The following CTNNA2 variants were observed in gnomAD, a reference collection of about 807,000 sequenced individuals.
CTNNA2 encodes catenin alpha 2.
CTNNA2 carries 42 observed loss-of-function variants against 101.0 expected under a neutral mutation model. That is an observed-to-expected ratio of 0.42 (90% CI 0.32 to 0.54). The LOEUF (loss-of-function observed/expected upper bound fraction) is 0.54, where lower values mean the gene tolerates loss of function less well. Ranked by LOEUF, CTNNA2 falls within the 20% of genes least tolerant of loss-of-function variation. CTNNA2 has a pLI of 0.14. For missense variants in CTNNA2, 871 were observed against 1,223.1 expected, an observed-to-expected ratio of 0.71 and a Z score of 4.29; for synonymous variants, 450 against 456.4, an observed-to-expected ratio of 0.99 and a Z score of 0.18.
At chr2:80,288,968 A>G (rs1326923828) in intron 7 of CTNNA2, 1 of 152,162 alleles carries the variant, frequency 6.6e-6, no homozygotes, top group South Asian at 2.1e-4. Context: ...GCCGACAGAT[A>G]TGGGACCACA....
chr2:79,699,733 AT>A (rs926480326), intron 2 of CTNNA2, among the ~76,000 whole-genome samples: 6 of 149,494 alleles, frequency 4.0e-5, no homozygotes, highest in Non-Finnish European at 8.9e-5. Flanking sequence ...AAAAATTTTG[AT>A]GCTAAAAGCC....
chr2:80,542,487 C>A (rs1412347864), intron 9 of CTNNA2, among the ~76,000 whole-genome samples: 1 of 151,946 alleles, frequency 6.6e-6, no homozygotes, highest in Non-Finnish European at 1.5e-5. Context: ...AGTCAAGAAA[C>A]ACATGATCTC....
At chr2:79,858,246 C>A in intron 4 of CTNNA2, 67 bp downstream of exon 4, 2 of 1,284,328 alleles carry the variant, frequency 1.6e-6, no homozygotes, top group Non-Finnish European at 2.2e-6. Flanking sequence ...TGTATTACAG[C>A]TCTGGCCTCT....
intron 18 of CTNNA2, among the ~76,000 whole-genome samples, chr2:80,643,655 C>T (rs1673730674): frequency 6.6e-6 from 1 of 152,060 alleles, no homozygotes; most frequent in African/African-American, 2.4e-5. Context: ...TTTTTGAGGC[C>T]ATTTTAAAAC....
chr2:80,078,887 A>T (rs1355783357), intron 7 of CTNNA2, among the ~76,000 whole-genome samples: 1 of 151,898 alleles, frequency 6.6e-6, no homozygotes, highest in Non-Finnish European at 1.5e-5. Context: ...GGCTAGGGGG[A>T]TGACATGGTT....
chr2:79,204,896 T>C (rs899892209), intron 2 of CTNNA2, among the ~76,000 whole-genome samples: 2 of 152,242 alleles, frequency 1.3e-5, no homozygotes, highest in Admixed American at 6.5e-5. Flanking sequence ...CCTCATTGCC[T>C]AAATACCTTG....
chr2:79,546,313 A>G (rs1673727230), intron 1 of CTNNA2, among the ~76,000 whole-genome samples: 1 of 152,170 alleles, frequency 6.6e-6, no homozygotes, highest in Non-Finnish European at 1.5e-5. Flanking sequence ...TTTTAAAACC[A>G]TGTCTTAGAG....
intron 7 of CTNNA2, among the ~76,000 whole-genome samples, chr2:80,091,931 A>G (rs998471267): frequency 6.6e-6 from 1 of 152,052 alleles, no homozygotes; most frequent in African/African-American, 2.4e-5. Flanking sequence ...TTTTTGTTTT[A>G]ATTTTGATGC....
chr2:79,448,757 A>G (rs1678858769), intron 4 of CTNNA2, among the ~76,000 whole-genome samples: 1 of 152,056 alleles, frequency 6.6e-6, no homozygotes, highest in African/African-American at 2.4e-5. Context: ...TGGCTGCTCA[A>G]AGACACATAT....
At chr2:79,458,535 T>G (rs6738316) in intron 4 of CTNNA2, among the ~76,000 whole-genome samples, 7,403 of 152,222 alleles carry the variant, frequency 0.049, 298 homozygotes, top group East Asian at 0.13. Context: ...TATTTTTTCA[T>G]CACAATAGGA....
chr2:79,305,994 T>G (rs1223651442), intron 2 of CTNNA2, among the ~76,000 whole-genome samples: 1 of 143,150 alleles, frequency 7.0e-6, no homozygotes, highest in East Asian at 2.0e-4. Flanking sequence ...TGCAGTGAGC[T>G]GAGATCGCAC....
At chr2:80,212,200 A>G (rs1707937472) in intron 7 of CTNNA2, among the ~76,000 whole-genome samples, 1 of 152,096 alleles carries the variant, frequency 6.6e-6, no homozygotes, top group African/African-American at 2.4e-5. Context: ...CTAATTGAAT[A>G]CCCTTTATTT....
At chr2:79,445,156 A>AT (rs1218173121) in intron 4 of CTNNA2, among the ~76,000 whole-genome samples, 1 of 152,090 alleles carries the variant, frequency 6.6e-6, no homozygotes, top group Admixed American at 6.6e-5. Context: ...TTTTTGATAC[A>AT]TTTTTTTCCT....
At chr2:80,398,831 C>G (rs2149376077) in intron 8 of CTNNA2, among the ~76,000 whole-genome samples, 1 of 151,320 alleles carries the variant, frequency 6.6e-6, no homozygotes, top group East Asian at 2.0e-4. Flanking sequence ...CACACCCCTG[C>G]ACTGCAGCCT....
At chr2:79,688,157 A>G (rs1684061225) in intron 2 of CTNNA2, among the ~76,000 whole-genome samples, 1 of 152,094 alleles carries the variant, frequency 6.6e-6, no homozygotes, top group South Asian at 2.1e-4. Context: ...GGCAGAAACA[A>G]ATTTTCTAGA....
chr2:79,303,803 G>A (rs1676169741), intron 2 of CTNNA2, among the ~76,000 whole-genome samples: 1 of 152,006 alleles, frequency 6.6e-6, no homozygotes, highest in Non-Finnish European at 1.5e-5. Flanking sequence ...CCAATGGGAA[G>A]TGGGGGCTGA....
At chr2:79,339,949 G>C (rs1343847657) in intron 3 of CTNNA2, 1 of 152,070 alleles carries the variant, frequency 6.6e-6, no homozygotes, top group African/African-American at 2.4e-5. Context: ...CTTACCCAGG[G>C]GTCATCTGAG....
At chr2:79,315,934 A>C (rs1676486647) in intron 3 of CTNNA2, among the ~76,000 whole-genome samples, 1 of 152,094 alleles carries the variant, frequency 6.6e-6, no homozygotes, top group South Asian at 2.1e-4. Context: ...CTGTCTTTTT[A>C]ATTATAGCCA....
chr2:80,292,708 A>G (rs1355190970), intron 7 of CTNNA2, among the ~76,000 whole-genome samples: 1 of 152,200 alleles, frequency 6.6e-6, no homozygotes, highest in Non-Finnish European at 1.5e-5. Flanking sequence ...CGCAGGTGCA[A>G]TCATTTATAA....
Sources: gnomAD v4.1 joint callset for allele counts (sites outside exome capture counted in the v4.1 genomes callset) on GRCh38, gnomAD v4.1.1 for gene constraint, MANE v1.5 for transcripts, NCBI Gene and HGNC (gene_info 2026-07-23, HGNC 2026-07-21) for gene names.